PTPRO: variants seen among roughly 807,000 people sequenced by gnomAD.
The protein encoded by PTPRO is receptor-type tyrosine-protein phosphatase O.
Under a neutral mutation model 145.2 loss-of-function variants are expected in PTPRO, and 62 were observed. That is an observed-to-expected ratio of 0.43 (90% CI 0.35 to 0.53). PTPRO has a LOEUF of 0.53. PTPRO is among the 20% of genes least tolerant of loss of function. The pLI, the probability that PTPRO is intolerant of heterozygous loss-of-function variation, is 0.01. For missense variants in PTPRO, 1,345 were observed against 1,482.7 expected, an observed-to-expected ratio of 0.91 and a Z score of 1.53; for synonymous variants, 565 against 514.7, an observed-to-expected ratio of 1.10 and a Z score of -1.32.
At chr12:15,475,516 A>G (rs1046960972) in intron 1 of PTPRO, among the ~76,000 whole-genome samples, 4 of 152,256 alleles carry the variant, frequency 2.6e-5, no homozygotes, top group African/African-American at 9.6e-5. Context: ...GGACAGTAAG[A>G]TTTATTAGTA....
chr12:15,365,806 G>T (rs1234952811), intron 1 of PTPRO, among the ~76,000 whole-genome samples: 1 of 152,118 alleles, frequency 6.6e-6, no homozygotes, highest in Admixed American at 6.6e-5. Flanking sequence ...AGATGGGTCA[G>T]TGAACACCCA....
intron 17 of PTPRO, among the ~76,000 whole-genome samples, chr12:15,564,959 G>A (rs1943861014): frequency 6.6e-6 from 1 of 152,140 alleles, no homozygotes; most frequent in Non-Finnish European, 1.5e-5. Context: ...ACTAACTAAA[G>A]CATGCATTAG....
chr12:15,376,652 A>G (rs1938696570), intron 1 of PTPRO, among the ~76,000 whole-genome samples: 1 of 152,218 alleles, frequency 6.6e-6, no homozygotes, highest in Admixed American at 6.5e-5. Flanking sequence ...TCCAAGATCA[A>G]GGTGCCAACA....
chr12:15,324,071 GTT>G (rs1866376552), intron 1 of PTPRO, among the ~76,000 whole-genome samples: 1 of 152,094 alleles, frequency 6.6e-6, no homozygotes, highest in Non-Finnish European at 1.5e-5. Flanking sequence ...AATAAGCTCA[GTT>G]ATATGTTTTT....
intron 12 of PTPRO, chr12:15,546,283 C>T: frequency 8.6e-7 from 1 of 1,163,444 alleles, no homozygotes; most frequent in Admixed American, 4.1e-5. Context: ...GTATAAATGA[C>T]ACAGAAACTA....
intron 1 of PTPRO, among the ~76,000 whole-genome samples, chr12:15,464,643 G>T (rs573249580): frequency 7.2e-5 from 11 of 152,002 alleles, no homozygotes; most frequent in African/African-American, 2.7e-4. Context: ...ACAGGTATGA[G>T]CCACCGTGCC....
At chr12:15,507,446 TA>T (rs376698065) in intron 6 of PTPRO, among the ~76,000 whole-genome samples, 2,173 of 49,620 alleles carry the variant, frequency 0.044, 27 homozygotes, top group South Asian at 0.075. Context: ...AATAAATAAA[TA>T]AATAAGGAAT....
At chr12:15,416,597 G>A (rs1939983933) in intron 1 of PTPRO, among the ~76,000 whole-genome samples, 1 of 151,504 alleles carries the variant, frequency 6.6e-6, no homozygotes, top group Non-Finnish European at 1.5e-5. Flanking sequence ...GGGATTACAG[G>A]CATGAGCCAC....
Position 15,596,428 on chromosome 12 carries a change from T to C in PTPRO, c.*355T>C, listed in dbSNP as rs1944661040. 2 of 152,616 alleles carry C rather than the reference T, an allele frequency of 1.3e-5. No individual in the cohort carries two copies. Among genetic ancestry groups the C allele is most frequent in the African/African-American group, 4.8e-5 (2 of 41,436 alleles). The allele number at this position is 152,616 out of a possible 1,614,324, so 9.5% of individuals were successfully genotyped here. On this transcript the variant is annotated 3_prime_UTR_variant, in exon 27 of 27. Coordinates refer to ENST00000281171, the MANE Select transcript of PTPRO (RefSeq NM_030667.3). Reference sequence around the variant, plus strand: ...TTTAAGTGTTTGTTTTTCAGTGCAATAATTTTTGTGTGTGTGTGATTCTTA... The same window carrying C: ...TTTAAGTGTTTGTTTTTCAGTGCAACAATTTTTGTGTGTGTGTGATTCTTA...
intron 1 of PTPRO, among the ~76,000 whole-genome samples, chr12:15,352,387 A>C (rs191908006): frequency 1.3e-5 from 2 of 152,302 alleles, no homozygotes; most frequent in East Asian, 3.9e-4. Context: ...GTGGTGGCTC[A>C]AGCCTGTAAC....
chr12:15,569,447 T>C lies in PTPRO; in HGVS notation c.2778T>C (p.Tyr926=). 1 of 1,613,836 alleles carries C rather than the reference T, an allele frequency of 6.2e-7. No individual in the cohort carries two copies. The highest frequency in any genetic ancestry group is 8.5e-7 in the Non-Finnish European group (1 of 1,179,762). Residue 926 remains tyrosine (Y), a synonymous_variant, in exon 19 of 27, where the codon TAT becomes TAC. Coordinates refer to ENST00000281171, the MANE Select transcript of PTPRO (RefSeq NM_030667.3). ...NPVQLDDFDA[Y]IKDMAKDSDY... Reference sequence around the variant, plus strand: ...TTCAACTGGATGACTTTGATGCCTATATTAAGGATATGGCCAAAGACTCTG... The same window carrying C: ...TTCAACTGGATGACTTTGATGCCTACATTAAGGATATGGCCAAAGACTCTG...
chr12:15,433,324 T>C (rs1940501834), intron 1 of PTPRO, among the ~76,000 whole-genome samples: 1 of 152,104 alleles, frequency 6.6e-6, no homozygotes, highest in Admixed American at 6.5e-5. Context: ...TACAAGTGTG[T>C]GCCACCATGC....
At chr12:15,403,786 C>G (rs961786344) in intron 1 of PTPRO, among the ~76,000 whole-genome samples, 1 of 151,888 alleles carries the variant, frequency 6.6e-6, no homozygotes, top group African/African-American at 2.4e-5. Context: ...CTGATTATTG[C>G]TTGACTCCCC....
At chr12:15,509,449 C>T (rs1942390945) in intron 7 of PTPRO, among the ~76,000 whole-genome samples, 1 of 151,032 alleles carries the variant, frequency 6.6e-6, no homozygotes, top group African/African-American at 2.4e-5. Context: ...TTAATCCCAG[C>T]ACTTTGGAAG....
chr12:15,466,526 TG>T (rs2136406629), intron 1 of PTPRO, among the ~76,000 whole-genome samples: 2 of 152,348 alleles, frequency 1.3e-5, no homozygotes, highest in African/African-American at 4.8e-5. Context: ...ATGCCTATAA[TG>T]GGAACTTTCC....
intron 23 of PTPRO, among the ~76,000 whole-genome samples, chr12:15,585,495 G>T (rs182866436): frequency 1.9e-3 from 284 of 152,156 alleles, no homozygotes; most frequent in African/African-American, 6.4e-3. Flanking sequence ...GGGTACAATG[G>T]GTGTAGGGGA....
At chr12:15,493,061 T>C (rs977464677) in intron 2 of PTPRO, among the ~76,000 whole-genome samples, 2 of 152,092 alleles carry the variant, frequency 1.3e-5, no homozygotes, top group Non-Finnish European at 2.9e-5. Context: ...TTACTAAGGC[T>C]GAATGAAAAT....
rs1397232683 is a variant in PTPRO, at chr12:15,512,191, T to C, written c.1465-3307T>C. Among the ~76,000 whole-genome samples, 5 of 152,104 alleles carry C rather than the reference T, an allele frequency of 3.3e-5. No homozygotes were observed. The South Asian group carries it at 1.0e-3, about 32-fold the overall frequency. On this transcript the variant is annotated intron_variant, in intron 7 of 26. Coordinates refer to ENST00000281171, the MANE Select transcript of PTPRO (RefSeq NM_030667.3). ...GTGCAGTGGCGTAATCTCGGCTCAC[T>C]GCAACCTCCACCTCCCAGTTTCAAG...
Position 15,436,186 on chromosome 12 carries a change from A to C in PTPRO, c.76-47788A>C, listed in dbSNP as rs1453507403. Among the ~76,000 whole-genome samples the C allele has an allele frequency of 7.2e-5, 11 of 152,344 alleles. No individual in the cohort carries two copies. In the East Asian group the frequency reaches 1.9e-3, roughly 27 times the overall value. ...ACAAGAGAAAGCAGGAAAGATCTAA[A>C]ACTGACACCCTAACATCACAATTAA... On this transcript the variant is annotated intron_variant, in intron 1 of 26. Coordinates refer to ENST00000281171, the MANE Select transcript of PTPRO (RefSeq NM_030667.3).
Sources: allele counts gnomAD v4.1 joint callset (sites outside exome capture counted in the v4.1 genomes callset), GRCh38; gene constraint gnomAD v4.1.1; transcripts MANE v1.5; gene names NCBI Gene and HGNC (gene_info 2026-07-23, HGNC 2026-07-21).